RGS20: variants seen among roughly 807,000 people sequenced by gnomAD.
RGS20 encodes the protein gz-selective GTPase-activating protein.
RGS20 carries 30 observed loss-of-function variants against 33.6 expected under a neutral mutation model. That is an observed-to-expected ratio of 0.89 (90% confidence interval 0.67 to 1.21). The LOEUF (loss-of-function observed/expected upper bound fraction) is 1.21. Among genes scored for constraint, RGS20 ranks in the 50% most tolerant of loss-of-function variants. The pLI is 0.00. For missense variants in RGS20, 472 were observed against 502.4 expected (o/e 0.94, Z 0.58); for synonymous variants, 208 against 197.9 (o/e 1.05, Z -0.43).
intron 2 of RGS20, among the ~76,000 whole-genome samples, chr8:53,909,207 GTGTATATATATATATATA>G (rs1432210103): frequency 2.5e-4 from 21 of 83,140 alleles, no homozygotes; most frequent in African/African-American, 6.3e-4. Context: ...TATGGTATGT[GTGTATATATATATATATA>G]TATATATATA....
intron 2 of RGS20, among the ~76,000 whole-genome samples, chr8:53,899,921 C>T (rs1057458862): frequency 6.6e-6 from 1 of 152,182 alleles, no homozygotes; most frequent in Non-Finnish European, 1.5e-5. Context: ...CTGGTGCTTC[C>T]CTGACCTGCG....
At chr8:53,946,080 T>G (rs1348063207) in intron 3 of RGS20, among the ~76,000 whole-genome samples, 1 of 152,220 alleles carries the variant, frequency 6.6e-6, no homozygotes, top group African/African-American at 2.4e-5. Context: ...TTTTCTCTAC[T>G]ACTTTTGTAT....
intron 2 of RGS20, among the ~76,000 whole-genome samples, chr8:53,918,450 G>T (rs989116080): frequency 3.3e-5 from 5 of 150,944 alleles, no homozygotes; most frequent in African/African-American, 1.2e-4. Flanking sequence ...GTACAATGGT[G>T]CAATCTCAGC....
At chr8:53,948,583 AT>A (rs1814611483) in intron 4 of RGS20, among the ~76,000 whole-genome samples, 1 of 69,390 alleles carries the variant, frequency 1.4e-5, no homozygotes, top group African/African-American at 8.4e-5. Context: ...TATGCTATAT[AT>A]GATACAGTAC....
intron 3 of RGS20, among the ~76,000 whole-genome samples, chr8:53,940,884 T>A (rs1003824579): frequency 4.6e-5 from 7 of 152,168 alleles, no homozygotes; most frequent in African/African-American, 1.7e-4. Context: ...GTCCAGGGCC[T>A]GCCCTAAAGG....
intron 2 of RGS20, among the ~76,000 whole-genome samples, chr8:53,892,619 T>C (rs1420364827): frequency 6.6e-6 from 1 of 152,208 alleles, no homozygotes; most frequent in Non-Finnish European, 1.5e-5. Context: ...ATCATTAGTT[T>C]TGTGAGCCTC....
At chr8:53,947,105 A>G (rs1814507206) in intron 4 of RGS20, among the ~76,000 whole-genome samples, 1 of 147,192 alleles carries the variant, frequency 6.8e-6, no homozygotes, top group African/African-American at 2.5e-5. Context: ...TATACTATAT[A>G]TAAAATACAG....
chr8:53,923,144 C>T (rs569158165), intron 2 of RGS20, among the ~76,000 whole-genome samples: 39 of 152,068 alleles, frequency 2.6e-4, no homozygotes, highest in Non-Finnish European at 5.0e-4. Context: ...ATATGTATTA[C>T]AAATCCAATA....
At chr8:53,928,485 A>G (rs1308517071) in intron 2 of RGS20, among the ~76,000 whole-genome samples, 2 of 152,230 alleles carry the variant, frequency 1.3e-5, no homozygotes, top group Non-Finnish European at 2.9e-5. Flanking sequence ...AGTAAACATG[A>G]ATACAGTCTT....
At position 53,877,309 on chromosome 8, in the gene RGS20, G is replaced by A. The variant is rs1367924047; in HGVS notation, c.166-1949G>A. Reference sequence around the variant, plus strand: ...GCCGGCCCTGCCGCCCGTGGCCGCCGAAGTTCCCGCCCTCGCCGAGGGCCC... The same window carrying A: ...GCCGGCCCTGCCGCCCGTGGCCGCCAAAGTTCCCGCCCTCGCCGAGGGCCC... On this transcript the variant is annotated intron_variant, in intron 1 of 5. Coordinates refer to ENST00000297313, the MANE Select transcript of RGS20 (RefSeq NM_170587.4). The surrounding 1 kb of genome is among the most constrained non-coding windows in gnomAD (Gnocchi z 5.7). Among the ~76,000 whole-genome samples the A allele has an allele frequency of 1.3e-5, 2 of 152,126 alleles. No individual in the cohort carries two copies. Among genetic ancestry groups the A allele is most frequent in the African/African-American group, 4.8e-5 (2 of 41,436 alleles).
intron 2 of RGS20, among the ~76,000 whole-genome samples, chr8:53,886,842 T>C (rs961285707): frequency 2.0e-5 from 3 of 152,236 alleles, no homozygotes; most frequent in African/African-American, 4.8e-5. Context: ...TCAACACTTA[T>C]ACAGCTGTTG....
chr8:53,879,912 C>A (rs778975906), intron 2 of RGS20: 6 of 331,610 alleles, frequency 1.8e-5, no homozygotes, highest in Non-Finnish European at 3.2e-5. Context: ...CTCAGCGTGT[C>A]GCTCTCCTCC....
intron 2 of RGS20, among the ~76,000 whole-genome samples, chr8:53,914,987 C>G (rs1261450424): frequency 2.0e-5 from 3 of 151,892 alleles, no homozygotes; most frequent in Non-Finnish European, 4.4e-5. Context: ...TCTACTAAAA[C>G]TACAAAAATT....
chr8:53,853,604 C>T (rs1481900208), intron 1 of RGS20, among the ~76,000 whole-genome samples: 3 of 152,152 alleles, frequency 2.0e-5, no homozygotes, highest in African/African-American at 4.8e-5. Flanking sequence ...AGACATGTGC[C>T]TCATCTAGCA....
intron 4 of RGS20, 106 bp from the exon 4 acceptor site, chr8:53,953,970 A>G (rs1814786099): frequency 4.8e-6 from 4 of 829,238 alleles, no homozygotes; most frequent in Middle Eastern, 2.2e-4. Context: ...CTAAATGCAT[A>G]TATTTTTCAT....
intron 2 of RGS20, among the ~76,000 whole-genome samples, chr8:53,930,608 C>T (rs554865806): frequency 7.9e-5 from 12 of 152,226 alleles, no homozygotes; most frequent in South Asian, 6.2e-4. Flanking sequence ...TGCAGTGGCA[C>T]GATCTCAGTT....
At chr8:53,895,104 C>T (rs146176159) in intron 2 of RGS20, among the ~76,000 whole-genome samples, 34 of 151,972 alleles carry the variant, frequency 2.2e-4, no homozygotes, top group African/African-American at 7.5e-4. Flanking sequence ...GGAGAAGTAG[C>T]GGGGATGCAG....
At position 53,877,847 on chromosome 8, in the gene RGS20, G is replaced by A. The variant is rs1812243900; in HGVS notation, c.166-1411G>A. On this transcript the variant is annotated intron_variant, in intron 1 of 5. Transcript: ENST00000297313. The surrounding 1 kb of genome is among the most constrained non-coding windows in gnomAD (Gnocchi z 5.7). ...GCTTCCCAGAAAGGGCCTCATGAAT[G>A]AGAATGGGTTGCTAGGTTTCCTTCC... Among the ~76,000 whole-genome samples, 1 of 152,230 alleles carries A rather than the reference G, an allele frequency of 6.6e-6. No individual in the cohort carries two copies. Among genetic ancestry groups the A allele is most frequent in the African/African-American group, 2.4e-5 (1 of 41,460 alleles).
At chr8:53,893,169 AT>A (rs1308697039) in intron 2 of RGS20, among the ~76,000 whole-genome samples, 1 of 152,196 alleles carries the variant, frequency 6.6e-6, no homozygotes, top group Non-Finnish European at 1.5e-5. Flanking sequence ...TCTGGAAAGA[AT>A]AGCTGGTTGA....
Sources: gnomAD v4.1 joint callset for allele counts (sites outside exome capture counted in the v4.1 genomes callset) on GRCh38, gnomAD v4.1.1 for gene constraint, Gnocchi (gnomAD v3.1) non-coding constraint, MANE v1.5 for transcripts, NCBI Gene and HGNC (gene_info 2026-07-23, HGNC 2026-07-21) for gene names.